The following HDAC9 variants were observed in gnomAD, a reference collection of about 807,000 sequenced individuals.
The protein encoded by HDAC9 is histone deacetylase 9, also known as MEF-2 interacting transcription repressor (MITR) protein.
Under a neutral mutation model 139.4 loss-of-function variants are expected in HDAC9, and 41 were observed. The observed-to-expected ratio is 0.29, with a 90% CI of 0.23 to 0.38. The LOEUF (loss-of-function observed/expected upper bound fraction) is 0.38, where lower values mean the gene tolerates loss of function less well. Ranked by LOEUF, HDAC9 falls within the 10% of genes least tolerant of loss-of-function variation. The pLI is 1.00. For missense variants in HDAC9, 1,147 were observed against 1,297.0 expected (o/e 0.88, Z 1.78); for synonymous variants, 517 against 476.2 (o/e 1.09, Z -1.12).
chr7:18,134,569 A>T (rs1415948869), intron 1 of HDAC9, among the ~76,000 whole-genome samples: 1 of 152,202 alleles, frequency 6.6e-6, no homozygotes, highest in East Asian at 1.9e-4. Context: ...AGGACTGCAT[A>T]AAAGGAAAAA....
At chr7:18,264,211 G>A (rs1398959376) in intron 2 of HDAC9, among the ~76,000 whole-genome samples, 2 of 152,032 alleles carry the variant, frequency 1.3e-5, no homozygotes, top group Non-Finnish European at 1.5e-5. Context: ...CAACAACAGT[G>A]GAATACATAT....
intron 2 of HDAC9, among the ~76,000 whole-genome samples, chr7:18,526,819 C>G (rs984743053): frequency 1.3e-5 from 2 of 152,026 alleles, no homozygotes; most frequent in African/African-American, 4.8e-5. Flanking sequence ...TAGATAGGGT[C>G]AGATAGGAGC....
At chr7:18,754,679 A>T (rs1788727895) in intron 14 of HDAC9, among the ~76,000 whole-genome samples, 1 of 152,108 alleles carries the variant, frequency 6.6e-6, no homozygotes, top group Admixed American at 6.6e-5. Context: ...TAATTACAAA[A>T]CAATTCTGGG....
chr7:18,667,655 G>T (rs1031504936), intron 12 of HDAC9: 14 of 985,104 alleles, frequency 1.4e-5, no homozygotes, highest in Non-Finnish European at 1.4e-5. Flanking sequence ...GAAATGCCTT[G>T]TGGAAACAGG....
chr7:18,397,832 A>G (rs1458944245), intron 1 of HDAC9, among the ~76,000 whole-genome samples: 2 of 152,144 alleles, frequency 1.3e-5, no homozygotes, highest in Non-Finnish European at 1.5e-5. Context: ...TATTGGTAGT[A>G]TTAAATCAGT....
intron 1 of HDAC9, among the ~76,000 whole-genome samples, chr7:18,308,014 G>A (rs1664606664): frequency 6.6e-6 from 1 of 152,142 alleles, no homozygotes; most frequent in Non-Finnish European, 1.5e-5. Context: ...AAAAGTTCTA[G>A]AAGAAAAACC....
At chr7:18,109,310 G>C (rs545794547) in intron 1 of HDAC9, among the ~76,000 whole-genome samples, 1 of 152,314 alleles carries the variant, frequency 6.6e-6, no homozygotes, top group East Asian at 1.9e-4. Context: ...ATTGTTGTAA[G>C]GATATCTTGT....
chr7:18,198,549 T>A (rs922656968), intron 2 of HDAC9, among the ~76,000 whole-genome samples: 4 of 152,170 alleles, frequency 2.6e-5, no homozygotes, highest in Non-Finnish European at 5.9e-5. Flanking sequence ...CATCATACAA[T>A]CTCACAATAT....
In HDAC9 at chr7:18,989,128, C is replaced by T. The variant is rs866385062; in HGVS notation, c.3171-6895C>T. 1.7e-3 allele frequency among the ~76,000 whole-genome samples: 247 copies of T among 144,278 alleles called. 5 individuals carry two copies. Among genetic ancestry groups the T allele is most frequent in the African/African-American group, 6.3e-3 (236 of 37,496 alleles). 94.7% of individuals were successfully genotyped at this position (144,278 alleles called of 152,430 possible). A position where few individuals can be genotyped will look rare whatever the true frequency, so the allele number is the denominator to read the frequency against. On this transcript the variant is annotated intron_variant, in intron 25 of 25. Transcript: ENST00000686413. ...ATTATGATGTTAGCTGGTGATTTTGCTCGTTCGTTGATGCAGTTTCTTCCT... is the reference window on the plus strand; with the variant it reads ...ATTATGATGTTAGCTGGTGATTTTGTTCGTTCGTTGATGCAGTTTCTTCCT...
intron 22 of HDAC9, among the ~76,000 whole-genome samples, chr7:18,897,930 A>T (rs17140237): frequency 6.6e-6 from 1 of 151,834 alleles, no homozygotes; most frequent in Non-Finnish European, 1.5e-5. Context: ...TTCTAGACAC[A>T]GTTTTTTACT....
intron 21 of HDAC9, among the ~76,000 whole-genome samples, chr7:18,872,226 T>A (rs577697675): frequency 6.6e-6 from 1 of 152,254 alleles, no homozygotes; most frequent in East Asian, 1.9e-4. Context: ...TTTCTTACTT[T>A]TTGGAATGAG....
intron 22 of HDAC9, among the ~76,000 whole-genome samples, chr7:18,913,040 T>A (rs1802875950): frequency 1.3e-5 from 2 of 152,152 alleles, no homozygotes. Flanking sequence ...TACAAATGGA[T>A]ATTTTCTCTG....
chr7:18,995,581 G>T (rs923514985), intron 25 of HDAC9, among the ~76,000 whole-genome samples: 2 of 152,162 alleles, frequency 1.3e-5, no homozygotes, highest in Non-Finnish European at 2.9e-5. Context: ...AGCCAATCCA[G>T]TTATGAAAGA....
chr7:18,593,988 GAGCACA>G lies in HDAC9; in HGVS notation c.626_631del (p.Ala209_Gln210del), dbSNP rs761866016. 2.5e-6 allele frequency: 4 copies of G among 1,612,792 alleles called. No homozygotes were observed. The highest frequency in any genetic ancestry group is 3.4e-6 in the Non-Finnish European group (4 of 1,179,056). On this transcript the variant is annotated inframe_deletion, in exon 6 of 26. Transcript: ENST00000686413. Reference sequence around the variant, plus strand: ...CCATCCTACAAGTACACATTACCAGGAGCACAAGATGCAAAGGATGATTTCCCCCTT... The same window carrying G: ...CCATCCTACAAGTACACATTACCAGGAGATGCAAAGGATGATTTCCCCCTT...
intron 1 of HDAC9, among the ~76,000 whole-genome samples, chr7:18,110,430 T>C (rs528942713): frequency 1.1e-4 from 17 of 152,306 alleles, no homozygotes; most frequent in African/African-American, 4.1e-4. Context: ...GAACCTTGAA[T>C]ACCACATGAA....
intron 22 of HDAC9, among the ~76,000 whole-genome samples, chr7:18,912,178 A>G (rs1585293652): frequency 6.6e-6 from 1 of 151,964 alleles, no homozygotes; most frequent in Non-Finnish European, 1.5e-5. Flanking sequence ...AGTGTTGGGT[A>G]TTTACAATTG....
intron 23 of HDAC9, among the ~76,000 whole-genome samples, chr7:18,941,507 C>T (rs1302746542): frequency 6.6e-6 from 1 of 152,026 alleles, no homozygotes; most frequent in Non-Finnish European, 1.5e-5. Context: ...TCATTGGATT[C>T]CGAATAGGGA....
At chr7:18,668,202 A>G (rs573101900) in intron 12 of HDAC9, 2 of 877,102 alleles carry the variant, frequency 2.3e-6, no homozygotes, top group South Asian at 5.3e-5. Flanking sequence ...GAAGTTAGAA[A>G]GTTTAAAAGT....
chr7:18,472,747 C>A (rs942183300), intron 1 of HDAC9, among the ~76,000 whole-genome samples: 3 of 152,270 alleles, frequency 2.0e-5, no homozygotes, highest in African/African-American at 7.2e-5. Context: ...CACTCTGTAT[C>A]CCCTTACCCT....
Sources: gnomAD v4.1 joint callset for allele counts (sites outside exome capture counted in the v4.1 genomes callset) on GRCh38, gnomAD v4.1.1 for gene constraint, MANE v1.5 for transcripts, NCBI Gene and HGNC (gene_info 2026-07-23, HGNC 2026-07-21) for gene names.